TET3: variants seen among roughly 807,000 people sequenced by gnomAD.
The protein encoded by TET3 is methylcytosine dioxygenase TET3.
A neutral mutation model predicts 141.4 loss-of-function variants in TET3; 19 were observed. The observed-to-expected ratio is 0.13, with a 90% CI of 0.09 to 0.20. TET3 has a LOEUF of 0.20. Ranked by LOEUF, TET3 falls within the 10% of genes least tolerant of loss-of-function variation. TET3 has a pLI of 1.00. For missense variants in TET3, 1,874 were observed against 2,356.9 expected (o/e 0.80, Z 4.24); for synonymous variants, 1,043 against 980.9 (o/e 1.06, Z -1.18).
rs914916538 is a variant in TET3 at position 74,087,992 on chromosome 2, C to T, written c.2842C>T (p.Arg948Trp). The change falls in exon 7 of 12, where the codon CGG becomes TGG. Residue 948 changes from arginine to tryptophan, a missense_variant. Around this residue, in one of 10 missense-constraint regions of TET3, gnomAD observed 126 missense variants for 327.4 expected, o/e 0.38. Coordinates refer to ENST00000409262, the MANE Select transcript of TET3 (RefSeq NM_001287491.2). The surrounding 1 kb of genome is among the most constrained non-coding windows in gnomAD (Gnocchi z 4.3). Reference protein sequence around the residue: ...TLYQELTDTLRKYGNPTSRRC... With the variant: ...TLYQELTDTLWKYGNPTSRRC... ...CTACCAGGAGCTCACCGACACCCTC[C>T]GGAAGTATGGGAACCCCACCAGCCG... 11 of 1,562,250 alleles carry T rather than the reference C, an allele frequency of 7.0e-6. No homozygotes were observed. The highest frequency in any genetic ancestry group is 2.7e-5 in the African/African-American group (2 of 73,404).
chr2:73,995,681 A>T (rs1305981203), intron 2 of TET3, among the ~76,000 whole-genome samples: 1 of 152,188 alleles, frequency 6.6e-6, no homozygotes, highest in Non-Finnish European at 1.5e-5. Flanking sequence ...GACGGTGCAG[A>T]TAGCATTTCT....
chr2:74,067,769 G>T (rs1238352289), intron 4 of TET3, among the ~76,000 whole-genome samples: 2 of 152,224 alleles, frequency 1.3e-5, no homozygotes, highest in African/African-American at 4.8e-5. Context: ...AGGCACTGTT[G>T]TCAGTGAGAA....
intron 6 of TET3, among the ~76,000 whole-genome samples, chr2:74,081,126 C>CCT (rs1689798105): frequency 1.3e-5 from 2 of 152,322 alleles, no homozygotes; most frequent in South Asian, 4.1e-4. Flanking sequence ...GCCAGTCTTG[C>CCT]CTCTGCCTTG....
chr2:74,046,590 A>G lies in TET3; in HGVS notation c.673A>G (p.Asn225Asp). Residue 225 changes from asparagine (N) to aspartate (D), a missense_variant, in exon 4 of 12, where the codon AAC becomes GAC. Physicochemically the swap from Asn to Asp is conservative, Grantham distance 23. Around this residue, in one of 10 missense-constraint regions of TET3, gnomAD observed 366 missense variants for 487.0 expected, o/e 0.75. Transcript: ENST00000409262. This position sits in a 1 kb window ranked among gnomAD's most constrained non-coding sequence, Gnocchi z 4.3. ...ALSTRLYETF[N>D]REMSREAGNN... is the part of the protein sequence containing the mutation. ...TAGCACCCGGCTCTATGAAACCTTC[A>G]ACCGTGAGATGAGTCGTGAGGCTGG... 2 of 1,614,016 alleles carry G rather than the reference A, an allele frequency of 1.2e-6. No homozygotes were observed. The highest frequency in any genetic ancestry group is 1.7e-6 in the Non-Finnish European group (2 of 1,179,872).
chr2:73,996,596 A>G (rs528318423), intron 2 of TET3, among the ~76,000 whole-genome samples: 18 of 152,230 alleles, frequency 1.2e-4, no homozygotes, highest in African/African-American at 3.6e-4. Flanking sequence ...GCTACCTCCA[A>G]TCCTGGATTT....
At chr2:74,029,967 T>C (rs11885172) in intron 3 of TET3, among the ~76,000 whole-genome samples, 52,246 of 152,086 alleles carry the variant, frequency 0.34, 10,204 homozygotes, top group African/African-American at 0.52. Context: ...GCCCTGCACA[T>C]GTTAGTGATA....
At chr2:74,075,060 TG>T (rs1689424233) in intron 5 of TET3, among the ~76,000 whole-genome samples, 1 of 151,976 alleles carries the variant, frequency 6.6e-6, no homozygotes, top group Non-Finnish European at 1.5e-5. Flanking sequence ...TTAGTAGAGA[TG>T]GGGTTTCACC....
At chr2:74,099,180 G>A in intron 10 of TET3, 96 bp from the exon 11 acceptor site, 1 of 1,126,450 alleles carries the variant, frequency 8.9e-7, no homozygotes, top group Non-Finnish European at 1.3e-6. Flanking sequence ...ATTGTGTGGG[G>A]AAAGATGAGG....
chr2:74,047,842 C>G lies in TET3; in HGVS notation c.1925C>G (p.Ala642Gly), dbSNP rs142042604. 352 of 1,612,626 alleles carry G rather than the reference C, an allele frequency of 2.2e-4. 3 individuals are homozygous for G. The East Asian group carries it at 4.2e-3, about 19-fold the overall frequency. ...LRSPASQEVQ[A>G]HPPAPLPASQ... is the part of the protein sequence containing the mutation. ...TCCCCAGCCTCCCAGGAAGTGCAGG[C>G]TCATCCACCGGCCCCTCTGCCTGCC... Residue 642 changes from alanine (A) to glycine (G), a missense_variant, in exon 4 of 12, where the codon GCT (alanine) becomes GGT (glycine). By Grantham distance (60) the Ala-to-Gly change is moderately conservative (BLOSUM62 0). Transcript: ENST00000409262.
rs1690244691 is a variant in TET3, at chr2:74,087,805, C to A, written c.2680-25C>A. ...GAGGAGCACGGGTACCTGGCTCCTG[C>A]CCCTCACACCCTGCGTCCCTGCAGG... On this transcript the variant is annotated intron_variant, in intron 6 of 11. Coordinates refer to ENST00000409262, the MANE Select transcript of TET3 (RefSeq NM_001287491.2). This position sits in a 1 kb window ranked among gnomAD's most constrained non-coding sequence, Gnocchi z 4.3. The A allele has an allele frequency of 6.5e-7, 1 of 1,530,844 alleles. No homozygotes were observed. The highest frequency in any genetic ancestry group is 1.4e-5 in the African/African-American group (1 of 72,772). The allele number at this position is 1,530,844 out of a possible 1,614,324, so 94.8% of individuals were successfully genotyped here. A position where few individuals can be genotyped will look rare whatever the true frequency, so the allele number is the denominator to read the frequency against.
chr2:74,057,302 C>G (rs972922411), intron 4 of TET3, among the ~76,000 whole-genome samples: 1 of 152,182 alleles, frequency 6.6e-6, no homozygotes, highest in Non-Finnish European at 1.5e-5. Context: ...GAGTACAACC[C>G]AACCCTCAAC....
downstream of TET3, among the ~76,000 whole-genome samples, chr2:74,109,516 T>C (rs914244972): frequency 6.6e-6 from 1 of 152,250 alleles, no homozygotes; most frequent in Admixed American, 6.5e-5. Flanking sequence ...ATCATCCCTG[T>C]ATCACCAAAC....
intron 7 of TET3, among the ~76,000 whole-genome samples, chr2:74,088,256 A>G (rs1021955082): frequency 6.6e-6 from 1 of 152,176 alleles, no homozygotes; most frequent in South Asian, 2.1e-4. Flanking sequence ...GTTTGACTTC[A>G]CCGTTAAACC....
At chr2:73,991,585 C>T (rs1328994290) in intron 2 of TET3, among the ~76,000 whole-genome samples, 2 of 152,018 alleles carry the variant, frequency 1.3e-5, no homozygotes, top group African/African-American at 4.8e-5. Context: ...AGGGGTTCCA[C>T]ATTGGGATCA....
At chr2:74,118,488 G>A in the TET3 span, among the ~76,000 whole-genome samples, 1 of 151,942 alleles carries the variant, frequency 6.6e-6, no homozygotes, top group African/African-American at 2.4e-5. Flanking sequence ...CTTTTCTCTG[G>A]CTTACTTTAT....
downstream of TET3, among the ~76,000 whole-genome samples, chr2:74,111,872 G>C (rs1191885619): frequency 2.0e-5 from 3 of 152,162 alleles, no homozygotes. Flanking sequence ...TGTCCTCACT[G>C]GTGGGAATCT....
chr2:74,127,695 T>C, the TET3 span, among the ~76,000 whole-genome samples: 3 of 91,330 alleles, frequency 3.3e-5, no homozygotes, highest in East Asian at 6.0e-4. Flanking sequence ...TTCTGTGAGG[T>C]TTTTTTTTTT....
intron 10 of TET3, among the ~76,000 whole-genome samples, chr2:74,097,361 T>C (rs1399026219): frequency 1.3e-5 from 2 of 152,098 alleles, no homozygotes; most frequent in African/African-American, 4.8e-5. Context: ...ACTTCATGAT[T>C]TAAAAAATGA....
intron 3 of TET3, among the ~76,000 whole-genome samples, chr2:74,017,782 G>C (rs557575843): frequency 6.6e-6 from 1 of 152,180 alleles, no homozygotes; most frequent in East Asian, 1.9e-4. Flanking sequence ...TCATACGGTA[G>C]TTCTAGTTTT....
Sources: gnomAD v4.1 joint callset for allele counts (sites outside exome capture counted in the v4.1 genomes callset) on GRCh38, gnomAD v4.1.1 for gene constraint, gnomAD v4.1.1 regional missense constraint, Gnocchi (gnomAD v3.1) non-coding constraint, MANE v1.5 for transcripts, NCBI Gene and HGNC (gene_info 2026-07-23, HGNC 2026-07-21) for gene names.